Variants in PHF21B observed in about 807,000 individuals in gnomAD.
PHF21B encodes PHD finger protein 21B, also known as PHD finger protein 4.
In PHF21B, 22 loss-of-function variants were observed where a neutral mutation model predicts 62.2. The ratio of observed to expected loss-of-function variants is 0.35; its 90% CI spans 0.25 to 0.51. The LOEUF (loss-of-function observed/expected upper bound fraction) is 0.51. PHF21B is among the 20% of genes least tolerant of loss of function. The probability of loss-of-function intolerance (pLI) is 0.97; values close to 1 mark genes in which losing one functional copy is unlikely to be tolerated. For missense variants in PHF21B, 701 were observed against 707.9 expected (o/e 0.99, Z 0.11); for synonymous variants, 341 against 314.7 (o/e 1.08, Z -0.88).
chr22:44,923,807 C>T (rs866525383), intron 2 of PHF21B, among the ~76,000 whole-genome samples: 3 of 151,584 alleles, frequency 2.0e-5, no homozygotes, highest in African/African-American at 7.3e-5. Context: ...CTCTTGAGGC[C>T]AGGAGTTCAA....
At chr22:44,917,753 G>A (rs2071464745) in intron 3 of PHF21B, among the ~76,000 whole-genome samples, 1 of 152,214 alleles carries the variant, frequency 6.6e-6, no homozygotes, top group African/African-American at 2.4e-5. Context: ...CCCACCCTGT[G>A]TCCAGTGGTG....
intron 2 of PHF21B, among the ~76,000 whole-genome samples, chr22:44,929,882 C>T (rs1320850789): frequency 6.6e-6 from 1 of 152,000 alleles, no homozygotes; most frequent in Non-Finnish European, 1.5e-5. Flanking sequence ...GGAGGGGAGG[C>T]GACAGGTCGA....
chr22:44,971,508 G>C (rs539434017), intron 2 of PHF21B: 1 of 152,238 alleles, frequency 6.6e-6, no homozygotes, highest in African/African-American at 2.4e-5. Context: ...GGTGACTTGG[G>C]ACCAATTTCC....
intron 2 of PHF21B, among the ~76,000 whole-genome samples, chr22:44,947,713 T>C (rs1347324972): frequency 1.3e-5 from 2 of 152,208 alleles, no homozygotes; most frequent in Admixed American, 1.3e-4. Context: ...GGCCTGAGGA[T>C]AGGGGTCAGG....
intron 2 of PHF21B, chr22:45,003,339 G>A (rs55702264): frequency 2.0e-5 from 3 of 152,190 alleles, no homozygotes; most frequent in African/African-American, 7.2e-5. Context: ...ATCTACACAA[G>A]CAAGGCTAAG....
chr22:44,946,296 A>G (rs113467718), intron 2 of PHF21B, among the ~76,000 whole-genome samples: 4 of 148,580 alleles, frequency 2.7e-5, no homozygotes, highest in African/African-American at 1.0e-4. Context: ...GACACCCCCA[A>G]ACGAGGCCAG....
At chr22:44,977,831 C>T (rs913107770) in intron 2 of PHF21B, among the ~76,000 whole-genome samples, 4 of 151,568 alleles carry the variant, frequency 2.6e-5, no homozygotes, top group African/African-American at 9.7e-5. Flanking sequence ...AAGTAATCCT[C>T]CCACCATGGC....
chr22:44,927,480 C>T (rs1263844913), intron 2 of PHF21B, among the ~76,000 whole-genome samples: 2 of 152,050 alleles, frequency 1.3e-5, no homozygotes, highest in Non-Finnish European at 2.9e-5. Flanking sequence ...AGTCCAAAGT[C>T]CCCATTATCT....
chr22:44,993,310 C>T (rs904956635), intron 2 of PHF21B, among the ~76,000 whole-genome samples: 4 of 152,216 alleles, frequency 2.6e-5, no homozygotes, highest in Non-Finnish European at 5.9e-5. Flanking sequence ...GTCATCACAC[C>T]TCACCCAGCC....
intron 5 of PHF21B, among the ~76,000 whole-genome samples, chr22:44,896,878 C>CTTTTTTTTTT (rs1439624625): frequency 4.8e-4 from 18 of 37,286 alleles, no homozygotes; most frequent in African/African-American, 8.6e-4. Context: ...TTAGTTTTAT[C>CTTTTTTTTTT]TGTTTTTTTT....
Position 45,009,594 on chromosome 22 carries a change from C to G in PHF21B, c.-45G>C. 1 of 1,517,466 alleles carries G rather than the reference C, an allele frequency of 6.6e-7. No homozygotes were observed. The highest frequency in any genetic ancestry group is 2.6e-5 in the East Asian group (1 of 38,318). 94.0% of individuals were successfully genotyped at this position (1,517,466 alleles called of 1,614,324 possible). A position where few individuals can be genotyped will look rare whatever the true frequency, so the allele number is the denominator to read the frequency against. On this transcript the variant is annotated 5_prime_UTR_variant, in exon 1 of 13. Coordinates refer to ENST00000313237, the MANE Select transcript of PHF21B (RefSeq NM_138415.5). This position sits in a 1 kb window ranked among gnomAD's most constrained non-coding sequence, Gnocchi z 5.9. ...CTTTGCGCTCACTTTGGCCCGGGCT[C>G]CCGGGAAGTTGCGCGGCTCCGCGGG...
At chr22:44,993,206 G>A (rs1209210334) in intron 2 of PHF21B, among the ~76,000 whole-genome samples, 2 of 152,178 alleles carry the variant, frequency 1.3e-5, no homozygotes, top group East Asian at 1.9e-4. Flanking sequence ...CTCCATTCTG[G>A]CTGGGATACA....
intron 2 of PHF21B, chr22:45,000,925 G>T (rs752332152): frequency 6.6e-6 from 1 of 152,096 alleles, no homozygotes; most frequent in African/African-American, 2.4e-5. Context: ...TGATTTCATC[G>T]CAATCACCAG....
At position 44,916,634 on chromosome 22, in the gene PHF21B, G is replaced by A. The variant is rs776290410; in HGVS notation, c.214-4C>T. Reference sequence around the variant, plus strand: ...GAATCAGAGTCTTTGGCCTAACCTGGGAAGAAGGGACAGGTATGTGGTCAG... The same window carrying A: ...GAATCAGAGTCTTTGGCCTAACCTGAGAAGAAGGGACAGGTATGTGGTCAG... On this transcript the variant is annotated splice_polypyrimidine_tract_variant and splice_region_variant and intron_variant, in intron 3 of 12. Transcript: ENST00000313237. 2.2e-5 allele frequency: 36 copies of A among 1,600,042 alleles called. No homozygotes were observed. The highest frequency in any genetic ancestry group is 3.3e-5 in the South Asian group (3 of 91,078).
intron 2 of PHF21B, among the ~76,000 whole-genome samples, chr22:44,973,439 A>C (rs2072676515): frequency 1.3e-5 from 2 of 152,226 alleles, no homozygotes; most frequent in South Asian, 4.1e-4. Context: ...CTAAAGAGAC[A>C]GGCGGAGACA....
At chr22:44,885,680 G>T in intron 11 of PHF21B, 151 bp from the exon 12 acceptor site, 1 of 1,016,390 alleles carries the variant, frequency 9.8e-7, no homozygotes, top group South Asian at 1.6e-5. Flanking sequence ...AGGACCTGGA[G>T]CCACTCTCCC....
chr22:45,009,429 C>T lies in PHF21B; in HGVS notation c.54+67G>A. On this transcript the variant is annotated intron_variant, in intron 1 of 12. Transcript: ENST00000313237. The surrounding 1 kb of genome is among the most constrained non-coding windows in gnomAD (Gnocchi z 5.9). ...GACCCGGAAGAGAGGATGCTGGGCT[C>T]GGGTCCCCCGACCCCCTCACCCCGC... 4 of 1,437,380 alleles carry T rather than the reference C, an allele frequency of 2.8e-6. No individual in the cohort carries two copies. The South Asian group carries it at 3.9e-5, about 14-fold the overall frequency. The allele number at this position is 1,437,380 out of a possible 1,614,324, so 89.0% of individuals were successfully genotyped here.
intron 2 of PHF21B, among the ~76,000 whole-genome samples, chr22:44,988,440 T>C (rs941921183): frequency 2.0e-5 from 3 of 151,508 alleles, no homozygotes; most frequent in Non-Finnish European, 4.4e-5. Flanking sequence ...CCAGCCTGGG[T>C]GACACAGCAA....
At chr22:44,956,363 G>A (rs899346250) in intron 2 of PHF21B, among the ~76,000 whole-genome samples, 4 of 152,206 alleles carry the variant, frequency 2.6e-5, no homozygotes, top group Admixed American at 1.3e-4. Context: ...ACCCTGACGA[G>A]TGTATCTTTT....
Sources: allele counts gnomAD v4.1 joint callset (sites outside exome capture counted in the v4.1 genomes callset), GRCh38; gene constraint gnomAD v4.1.1; non-coding constraint Gnocchi (gnomAD v3.1); transcripts MANE v1.5; gene names NCBI Gene and HGNC (gene_info 2026-07-23, HGNC 2026-07-21).